Variants in LRP1B observed in about 807,000 individuals in gnomAD.
The protein encoded by LRP1B is low-density lipoprotein receptor-related protein 1B.
In LRP1B, 217 loss-of-function variants were observed where a neutral mutation model predicts 556.6. That is an observed-to-expected ratio of 0.39 (90% CI 0.35 to 0.44). The LOEUF is 0.44. Ranked by LOEUF, LRP1B falls within the 20% of genes least tolerant of loss-of-function variation. The pLI, the probability that LRP1B is intolerant of heterozygous loss-of-function variation, is 1.00. For synonymous variants in LRP1B, 2,047 were observed against 1,865.8 expected (o/e 1.10, Z -2.50); for missense variants, 5,053 against 5,620.8 (o/e 0.90, Z 3.23).
intron 7 of LRP1B, among the ~76,000 whole-genome samples, chr2:141,153,514 T>C (rs11675642): frequency 0.51 from 54,456 of 106,866 alleles, 15,416 homozygotes; most frequent in Non-Finnish European, 0.6. Flanking sequence ...TAATAATATA[T>C]ATAAGCTATA....
intron 2 of LRP1B, among the ~76,000 whole-genome samples, chr2:141,537,563 A>G (rs1275538751): frequency 6.6e-6 from 1 of 152,166 alleles, no homozygotes; most frequent in Non-Finnish European, 1.5e-5. Context: ...AAACTGTGTA[A>G]CTTTAGGTAA....
At chr2:141,879,866 T>G (rs1001148990) in intron 1 of LRP1B, among the ~76,000 whole-genome samples, 11 of 152,070 alleles carry the variant, frequency 7.2e-5, no homozygotes, top group African/African-American at 2.7e-4. Context: ...TTCTGCTTTC[T>G]TATCCCTAGA....
chr2:141,166,043 C>T (rs951194954), intron 7 of LRP1B, among the ~76,000 whole-genome samples: 6 of 151,954 alleles, frequency 3.9e-5, no homozygotes, highest in African/African-American at 1.2e-4. Context: ...GAAAGAGGCT[C>T]CCCACTAATC....
intron 7 of LRP1B, among the ~76,000 whole-genome samples, chr2:141,096,659 A>AGAGAGAGAGAGAGAGAGG: frequency 8.0e-6 from 1 of 124,934 alleles, no homozygotes; most frequent in Non-Finnish European, 1.7e-5. Context: ...AGAGAGAGAG[A>AGAGAGAGAGAGAGAGAGG]GAGAGAGAGA....
chr2:140,427,292 T>C (rs1229818103), intron 66 of LRP1B, among the ~76,000 whole-genome samples: 1 of 152,102 alleles, frequency 6.6e-6, no homozygotes, highest in Admixed American at 6.6e-5. Context: ...GACGCCTGCT[T>C]TGGCTGCTTG....
chr2:140,544,814 T>A (rs1680267111), intron 43 of LRP1B, among the ~76,000 whole-genome samples: 1 of 152,152 alleles, frequency 6.6e-6, no homozygotes, highest in South Asian at 2.1e-4. Context: ...ATAGAATGAT[T>A]TATATTCCTT....
chr2:142,120,304 G>T (rs1707415487), intron 1 of LRP1B, among the ~76,000 whole-genome samples: 1 of 152,066 alleles, frequency 6.6e-6, no homozygotes. Context: ...TAGAGACAGG[G>T]TTTCACCATG....
chr2:141,260,001 C>T (rs1050293650), intron 3 of LRP1B, among the ~76,000 whole-genome samples: 2 of 152,014 alleles, frequency 1.3e-5, no homozygotes, highest in East Asian at 3.9e-4. Context: ...CAATTTGGTG[C>T]TGTTTATTTT....
rs547037006 is a variant in LRP1B at position 141,309,388 on chromosome 2, T to C, written c.344-54747A>G. 1.4e-4 allele frequency among the ~76,000 whole-genome samples: 22 copies of C among 152,356 alleles called. No individual in the cohort carries two copies. The South Asian group carries it at 3.1e-3, about 21-fold the overall frequency. The stretch of plus-strand genomic sequence containing the variant: ...CGGAAAAGAGATTGAAGTGGATATG[T>C]TTGATGCTATGGTCTGAATACTGAC... On this transcript the variant is annotated intron_variant, in intron 3 of 90. Transcript: ENST00000389484.
At chr2:141,509,353 G>T (rs1684040483) in intron 2 of LRP1B, among the ~76,000 whole-genome samples, 1 of 152,156 alleles carries the variant, frequency 6.6e-6, no homozygotes, top group African/African-American at 2.4e-5. Flanking sequence ...TCATATGGCT[G>T]TGCTACTGAG....
chr2:140,569,134 G>A (rs568993742), intron 43 of LRP1B, among the ~76,000 whole-genome samples: 195 of 151,922 alleles, frequency 1.3e-3, no homozygotes, highest in African/African-American at 4.6e-3. Flanking sequence ...AAACCACAAT[G>A]ATAAATAATA....
intron 57 of LRP1B, among the ~76,000 whole-genome samples, chr2:140,488,734 C>T (rs1299890600): frequency 6.6e-6 from 1 of 151,842 alleles, no homozygotes; most frequent in African/African-American, 2.4e-5. Context: ...AGATCTCTGC[C>T]ATGTTTTTAT....
chr2:140,951,764 G>T, intron 19 of LRP1B, 96 bp downstream of exon 19: 3 of 909,558 alleles, frequency 3.3e-6, no homozygotes, highest in East Asian at 2.5e-5. Context: ...GGCTCTGCAA[G>T]ATTCCCCTAC....
At position 141,180,844 on chromosome 2, in the gene LRP1B, A is replaced by G. The variant is rs376557418; in HGVS notation, c.1013+7577T>C. 2.4e-4 allele frequency among the ~76,000 whole-genome samples: 37 copies of G among 152,132 alleles called. No homozygotes were observed. The South Asian group carries it at 7.0e-3, about 29-fold the overall frequency. ...GAAGAGGGAACGAGATTTGGAACAA[A>G]TAATATTTGTTCACATTTTGAGCAG... On this transcript the variant is annotated intron_variant, in intron 7 of 90. Transcript: ENST00000389484.
At chr2:142,071,349 C>T (rs1705303238) in intron 1 of LRP1B, among the ~76,000 whole-genome samples, 1 of 151,872 alleles carries the variant, frequency 6.6e-6, no homozygotes, top group Admixed American at 6.6e-5. Context: ...GTCATTTCCT[C>T]TTTGGATTCT....
intron 3 of LRP1B, among the ~76,000 whole-genome samples, chr2:141,263,689 T>C (rs1684783105): frequency 6.6e-6 from 1 of 152,104 alleles, no homozygotes; most frequent in Admixed American, 6.5e-5. Context: ...ACAAATCATA[T>C]AAATGCATTA....
intron 6 of LRP1B, among the ~76,000 whole-genome samples, chr2:141,227,929 C>T (rs1683307980): frequency 6.6e-6 from 1 of 152,058 alleles, no homozygotes; most frequent in Admixed American, 6.6e-5. Flanking sequence ...CTTCATTTCT[C>T]TTCTCTTTCT....
intron 7 of LRP1B, among the ~76,000 whole-genome samples, chr2:141,160,987 A>G (rs1680004647): frequency 6.6e-6 from 1 of 152,088 alleles, no homozygotes; most frequent in Non-Finnish European, 1.5e-5. Flanking sequence ...GCTTTGTAAA[A>G]TGTTATCATT....
intron 2 of LRP1B, among the ~76,000 whole-genome samples, chr2:141,622,016 C>G (rs1024188242): frequency 6.6e-6 from 1 of 151,968 alleles, no homozygotes; most frequent in East Asian, 1.9e-4. Flanking sequence ...CTCAGCCTCC[C>G]GAGTAGCTGG....
Sources: allele counts gnomAD v4.1 joint callset (sites outside exome capture counted in the v4.1 genomes callset), GRCh38; gene constraint gnomAD v4.1.1; transcripts MANE v1.5; gene names NCBI Gene and HGNC (gene_info 2026-07-23, HGNC 2026-07-21).